Variants in SOS1 observed in about 807,000 individuals in gnomAD.
SOS1 encodes the protein son of sevenless homolog 1.
A neutral mutation model predicts 157.6 loss-of-function variants in SOS1; 25 were observed. That is an observed-to-expected ratio of 0.16 (90% CI 0.12 to 0.22). The LOEUF is 0.22. Among genes scored for constraint, SOS1 ranks in the 10% least tolerant of loss-of-function variants. The pLI, the probability that SOS1 is intolerant of heterozygous loss-of-function variation, is 1.00. For missense variants in SOS1, 1,237 were observed against 1,599.1 expected (o/e 0.77, Z 3.86); for synonymous variants, 528 against 534.0 (o/e 0.99, Z 0.16).
intron 1 of SOS1, among the ~76,000 whole-genome samples, chr2:39,111,621 T>G (rs1194910862): frequency 6.6e-6 from 1 of 152,164 alleles, no homozygotes; most frequent in Non-Finnish European, 1.5e-5. Flanking sequence ...TCTGCTACAG[T>G]ACACTCCATA....
chr2:39,116,159 A>G (rs1673642437), intron 1 of SOS1, among the ~76,000 whole-genome samples: 1 of 133,158 alleles, frequency 7.5e-6, no homozygotes, highest in Non-Finnish European at 1.6e-5. Flanking sequence ...ACCAATAGCC[A>G]GTTGGAGAAG....
chr2:39,100,600 T>A (rs1672932210), intron 1 of SOS1, among the ~76,000 whole-genome samples: 1 of 152,178 alleles, frequency 6.6e-6, no homozygotes, highest in South Asian at 2.1e-4. Context: ...TATGGAAATC[T>A]GCAAAAAGTC....
intron 1 of SOS1, among the ~76,000 whole-genome samples, chr2:39,119,100 G>A (rs1314660958): frequency 6.6e-6 from 1 of 152,172 alleles, no homozygotes; most frequent in Non-Finnish European, 1.5e-5. Flanking sequence ...TCCATTACAA[G>A]CTAAGAAGTC....
rs148751437 is a variant in SOS1, at chr2:39,085,465, G to A, written c.88-17712C>T. 4.7e-4 allele frequency among the ~76,000 whole-genome samples: 71 copies of A among 152,294 alleles called. No individual in the cohort carries two copies. The East Asian group carries it at 0.01, about 22-fold the overall frequency. ...TATCATTGGCAGTCTTCCTTAAAAT[G>A]CCAACAGATAGCAACTGTGATCCAA... On this transcript the variant is annotated intron_variant, in intron 1 of 22. Transcript: ENST00000402219.
In SOS1 at chr2:39,035,404, C is replaced by T. The variant is rs1558480612; in HGVS notation, c.961G>A (p.Ala321Thr). ...FLSQLSKPGAALYLQSIGEGF... is the reference protein window; with the variant it reads ...FLSQLSKPGATLYLQSIGEGF... The stretch of plus-strand genomic sequence containing the variant: ...AATTACTATACCTGCAAATAAAGTG[C>T]TGCCCCAGGCTTTGATAACTGACTA... Residue 321 changes from alanine to threonine, a missense_variant, in exon 7 of 23, where the codon GCA becomes ACA. Coordinates refer to ENST00000402219, the MANE Select transcript of SOS1 (RefSeq NM_005633.4). 3.1e-6 allele frequency: 5 copies of T among 1,612,382 alleles called. No homozygotes were observed. The highest frequency in any genetic ancestry group is 4.2e-6 in the Non-Finnish European group (5 of 1,178,512).
intron 18 of SOS1, 94 bp downstream of exon 18, chr2:38,997,159 T>C (rs2124479281): frequency 8.8e-7 from 1 of 1,138,440 alleles, no homozygotes; most frequent in Non-Finnish European, 1.3e-6. Flanking sequence ...TTAAGGTTTA[T>C]TTTACTTTTT....
chr2:39,038,278 G>A (rs1670425981), intron 6 of SOS1, among the ~76,000 whole-genome samples: 1 of 152,164 alleles, frequency 6.6e-6, no homozygotes, highest in African/African-American at 2.4e-5. Flanking sequence ...TCTCAGGGAT[G>A]GCTTTGAAAA....
chr2:39,052,677 G>C (rs1671061147), intron 5 of SOS1, among the ~76,000 whole-genome samples: 1 of 152,126 alleles, frequency 6.6e-6, no homozygotes, highest in Non-Finnish European at 1.5e-5. Flanking sequence ...ACCACAGTTT[G>C]TTTATACATT....
rs1671014721 is a variant in SOS1, at chr2:39,051,472, G to A, written c.721-185C>T. On this transcript the variant is annotated intron_variant, in intron 5 of 22. Transcript: ENST00000402219. ...TTCCTTCTGCAAAGGTGTACAATTT[G>A]CAAATACATTTCTCTAGGTCAGTGG... The A allele has an allele frequency of 5.3e-6, 3 of 569,828 alleles. No individual in the cohort carries two copies. The Admixed American group carries it at 8.6e-5, about 16-fold the overall frequency. The allele number at this position is 569,828 out of a possible 1,614,324, so 35.3% of individuals were successfully genotyped here. A position where few individuals can be genotyped will look rare whatever the true frequency, so the allele number is the denominator to read the frequency against.
chr2:39,091,812 T>A (rs1393387540), intron 1 of SOS1, among the ~76,000 whole-genome samples: 5 of 152,188 alleles, frequency 3.3e-5, no homozygotes, highest in East Asian at 1.9e-4. Flanking sequence ...CTTGGCAGTA[T>A]GACAGTTGAC....
intron 6 of SOS1, among the ~76,000 whole-genome samples, chr2:39,035,825 A>G (rs1372831991): frequency 2.6e-4 from 40 of 152,206 alleles, no homozygotes; most frequent in Non-Finnish European, 1.5e-5. Flanking sequence ...TAACTTGACA[A>G]CAACAAAGAA....
intron 17 of SOS1, among the ~76,000 whole-genome samples, chr2:39,005,677 T>G (rs1341206561): frequency 6.6e-6 from 1 of 152,040 alleles, no homozygotes; most frequent in African/African-American, 2.4e-5. Flanking sequence ...AACATTGTTA[T>G]ATGCAGTGGG....
chr2:39,107,102 C>A (rs1265364009), intron 1 of SOS1, among the ~76,000 whole-genome samples: 1 of 151,116 alleles, frequency 6.6e-6, no homozygotes, highest in Non-Finnish European at 1.5e-5. Flanking sequence ...CTTTTAAATA[C>A]AGGGGTTTTT....
intron 1 of SOS1, among the ~76,000 whole-genome samples, chr2:39,069,251 G>A (rs1671709176): frequency 8.3e-6 from 1 of 120,770 alleles, no homozygotes; most frequent in Non-Finnish European, 1.6e-5. Context: ...CATGCCTGTA[G>A]TAGTCCCCAC....
chr2:39,017,350 G>A (rs1450860967), intron 10 of SOS1, among the ~76,000 whole-genome samples: 1 of 151,978 alleles, frequency 6.6e-6, no homozygotes, highest in Non-Finnish European at 1.5e-5. Context: ...AACTCAGAAT[G>A]TACCTGTACT....
rs1228706167 is a variant in SOS1 at position 39,060,930 on chromosome 2, C to T, written c.214-2126G>A. On this transcript the variant is annotated intron_variant, in intron 2 of 22. Coordinates refer to ENST00000402219, the MANE Select transcript of SOS1 (RefSeq NM_005633.4). ...ATTAATTCTAAATAGAGTTACATGT[C>T]TTTGAAAAAAAAAAAAAATCACCAG... Among the ~76,000 whole-genome samples, 7 of 145,314 alleles carry T rather than the reference C, an allele frequency of 4.8e-5. No homozygotes were observed. In the South Asian group the frequency reaches 8.5e-4, roughly 18 times the overall value.
intron 20 of SOS1, chr2:38,993,934 G>C (rs1285428945): frequency 6.6e-6 from 1 of 152,232 alleles, no homozygotes; most frequent in African/African-American, 2.4e-5. Context: ...AATGAAAAAG[G>C]GTTCTTAGAA....
At chr2:39,031,461 G>A (rs1009150455) in intron 8 of SOS1, among the ~76,000 whole-genome samples, 1 of 152,120 alleles carries the variant, frequency 6.6e-6, no homozygotes, top group Non-Finnish European at 1.5e-5. Flanking sequence ...CAGGTGTGGG[G>A]GCTCGCACCT....
intron 10 of SOS1, among the ~76,000 whole-genome samples, chr2:39,021,274 A>G (rs1392546483): frequency 6.6e-6 from 1 of 151,646 alleles, no homozygotes; most frequent in Non-Finnish European, 1.5e-5. Flanking sequence ...TTTGCTTTAA[A>G]GTGTCCTCAT....
Sources: allele counts gnomAD v4.1 joint callset (sites outside exome capture counted in the v4.1 genomes callset), GRCh38; gene constraint gnomAD v4.1.1; transcripts MANE v1.5; gene names NCBI Gene and HGNC (gene_info 2026-07-23, HGNC 2026-07-21).